The following PASD1 variants were observed in gnomAD, a reference collection of about 807,000 sequenced individuals.
PASD1 encodes the protein PAS domain containing repressor 1.
Under a neutral mutation model 58.8 loss-of-function variants are expected in PASD1, and 13 were observed. The ratio of observed to expected loss-of-function variants is 0.22; its 90% CI spans 0.14 to 0.35. PASD1 has a LOEUF of 0.35. Ranked by LOEUF, PASD1 falls within the 10% of genes least tolerant of loss-of-function variation. The probability of loss-of-function intolerance (pLI) is 1.00; values close to 1 mark genes in which losing one functional copy is unlikely to be tolerated. For missense variants in PASD1, 734 were observed against 568.3 expected (o/e 1.29, Z -2.96); for synonymous variants, 236 against 216.7 (o/e 1.09, Z -0.78).
At chrX:151,675,890 A>G in intron 15 of PASD1, 107 bp from the exon 16 acceptor site, 1 of 871,383 alleles carries the variant, frequency 1.1e-6, no homozygotes, top group Non-Finnish European at 1.6e-6. Context: ...CCAAAGAAGT[A>G]TTTCTCAGCA....
chrX:151,580,662 A>G (rs1038088799), intron 1 of PASD1, among the ~76,000 whole-genome samples: 5 of 110,015 alleles, frequency 4.5e-5, no homozygotes, highest in African/African-American at 1.7e-4. Flanking sequence ...AACATGCAAT[A>G]CAATAAATAC....
chrX:151,592,571 A>T lies in PASD1; in HGVS notation c.-27-8956A>T, dbSNP rs186021740. On this transcript the variant is annotated intron_variant, in intron 1 of 15. Coordinates refer to ENST00000370357, the MANE Select transcript of PASD1 (RefSeq NM_173493.3). ...ATTGAAGTTTTTGGAATTTAAAATTAATTTTTATAGTAAATCATTTTGAAA... is the reference window on the plus strand; with the variant it reads ...ATTGAAGTTTTTGGAATTTAAAATTTATTTTTATAGTAAATCATTTTGAAA... Among the ~76,000 whole-genome samples, 80 of 112,205 alleles carry T rather than the reference A, an allele frequency of 7.1e-4. 1 individual carries two copies. Among genetic ancestry groups the T allele is most frequent in the African/African-American group, 2.5e-3 (79 of 31,005 alleles).
intron 9 of PASD1, among the ~76,000 whole-genome samples, chrX:151,653,392 G>A (rs376489171): frequency 9.2e-6 from 1 of 109,187 alleles, no homozygotes; most frequent in Non-Finnish European, 1.9e-5. Flanking sequence ...GGGTTTCACC[G>A]TGTTGGCCAG....
chrX:151,596,892 A>G (rs747724002), intron 1 of PASD1, among the ~76,000 whole-genome samples: 15 of 112,268 alleles, frequency 1.3e-4, no homozygotes, highest in African/African-American at 4.8e-4. Context: ...CAAAAATCAT[A>G]TGTGTGTATT....
intron 1 of PASD1, among the ~76,000 whole-genome samples, chrX:151,566,438 A>G (rs2124215059): frequency 8.9e-6 from 1 of 111,793 alleles, no homozygotes; most frequent in South Asian, 3.8e-4. Flanking sequence ...AAAATGATGG[A>G]GGAGCAAAAA....
intron 8 of PASD1, among the ~76,000 whole-genome samples, chrX:151,639,825 A>G (rs1250095507): frequency 1.8e-5 from 2 of 112,077 alleles, no homozygotes; most frequent in Non-Finnish European, 1.9e-5. Context: ...TTTCTAGAAT[A>G]CAGTCATGTG....
intron 7 of PASD1, among the ~76,000 whole-genome samples, chrX:151,623,276 A>T (rs1217083725): frequency 8.9e-6 from 1 of 112,219 alleles, no homozygotes; most frequent in African/African-American, 3.2e-5. Context: ...CTCGAAAGAG[A>T]TGCACAATCA....
At chrX:151,652,233 T>C (rs1035714854) in intron 9 of PASD1, among the ~76,000 whole-genome samples, 24 of 111,389 alleles carry the variant, frequency 2.2e-4, no homozygotes, top group African/African-American at 7.8e-4. Flanking sequence ...AATCATTGAT[T>C]AGAAGGTGAC....
chrX:151,623,424 A>G (rs1034340726), intron 7 of PASD1, among the ~76,000 whole-genome samples: 1 of 110,528 alleles, frequency 9.0e-6, no homozygotes, highest in Admixed American at 9.6e-5. Flanking sequence ...AGGCAGCTCC[A>G]CCACAACCCC....
intron 11 of PASD1, among the ~76,000 whole-genome samples, chrX:151,668,582 C>A (rs2124315935): frequency 9.0e-6 from 1 of 111,570 alleles, no homozygotes; most frequent in African/African-American, 3.3e-5. Flanking sequence ...ATAAACACCT[C>A]TACGCAAATA....
At chrX:151,633,401 A>G (rs1237716225) in intron 8 of PASD1, among the ~76,000 whole-genome samples, 1 of 111,603 alleles carries the variant, frequency 9.0e-6, no homozygotes, top group African/African-American at 3.3e-5. Context: ...CATCCAGGGA[A>G]AGAACCCTTG....
At chrX:151,629,688 T>C (rs758960528) in intron 8 of PASD1, among the ~76,000 whole-genome samples, 1 of 112,079 alleles carries the variant, frequency 8.9e-6, no homozygotes, top group East Asian at 2.8e-4. Flanking sequence ...GAACTCAAGT[T>C]TTGCTATAAG....
At chrX:151,602,969 G>A (rs1471337495) in intron 2 of PASD1, among the ~76,000 whole-genome samples, 3 of 112,150 alleles carry the variant, frequency 2.7e-5, no homozygotes, top group African/African-American at 9.7e-5. Flanking sequence ...TCTTCACATG[G>A]TTGCTTTCTT....
intron 4 of PASD1, among the ~76,000 whole-genome samples, chrX:151,617,592 G>A (rs756429568): frequency 1.8e-5 from 1 of 55,423 alleles, no homozygotes; most frequent in Non-Finnish European, 4.4e-5. Flanking sequence ...ATTGGAATTC[G>A]TTGTCAGGTT....
In PASD1 at chrX:151,580,147, A is replaced by G. The variant is rs184197745; in HGVS notation, c.-28+16308A>G. Among the ~76,000 whole-genome samples, 353 of 112,323 alleles carry G rather than the reference A, an allele frequency of 3.1e-3. 2 individuals are homozygous for G. Among genetic ancestry groups the G allele is most frequent in the African/African-American group, 9.5e-3 (295 of 30,956 alleles). On this transcript the variant is annotated intron_variant, in intron 1 of 15. Transcript: ENST00000370357. ...TCTTAGCTTCCAGAACACTTTACGTATAACTTTTTAATGGAATTTATAAAT... is the reference window on the plus strand; with the variant it reads ...TCTTAGCTTCCAGAACACTTTACGTGTAACTTTTTAATGGAATTTATAAAT...
intron 1 of PASD1, among the ~76,000 whole-genome samples, chrX:151,599,353 G>T (rs936252878): frequency 8.9e-6 from 1 of 112,811 alleles, no homozygotes; most frequent in African/African-American, 3.2e-5. Context: ...CCCAGATGGG[G>T]CAGCGGCCGG....
chrX:151,663,769 G>A (rs899339093), intron 10 of PASD1, among the ~76,000 whole-genome samples: 13 of 111,943 alleles, frequency 1.2e-4, no homozygotes, highest in Non-Finnish European at 2.1e-4. Flanking sequence ...CAACCCGATT[G>A]TGCAGAAGTG....
chrX:151,587,621 G>C (rs2013186167), intron 1 of PASD1, among the ~76,000 whole-genome samples: 1 of 111,155 alleles, frequency 9.0e-6, no homozygotes, highest in Admixed American at 9.6e-5. Flanking sequence ...CGTTGGCTCA[G>C]GTCAGGGTCT....
chrX:151,636,916 C>T (rs1482171151), intron 8 of PASD1, among the ~76,000 whole-genome samples: 1 of 111,459 alleles, frequency 9.0e-6, no homozygotes, highest in African/African-American at 3.3e-5. Context: ...CCCACCTCAC[C>T]CCTAACCCAT....
Sources: allele counts gnomAD v4.1 joint callset (sites outside exome capture counted in the v4.1 genomes callset), GRCh38; gene constraint gnomAD v4.1.1; transcripts MANE v1.5; gene names NCBI Gene and HGNC (gene_info 2026-07-23, HGNC 2026-07-21).